SPOCK3: variants seen among roughly 807,000 people sequenced by gnomAD.
SPOCK3 encodes the protein SPARC (osteonectin), cwcv and kazal like domains proteoglycan 3.
A neutral mutation model predicts 56.6 loss-of-function variants in SPOCK3; 30 were observed. That is an observed-to-expected ratio of 0.53 (90% CI 0.40 to 0.72). The LOEUF is 0.72. Ranked by LOEUF, SPOCK3 falls within the 30% of genes least tolerant of loss-of-function variation. The pLI is 0.00. For synonymous variants in SPOCK3, 196 were observed against 183.3 expected (o/e 1.07, Z -0.56); for missense variants, 527 against 530.0 (o/e 0.99, Z 0.06).
intron 2 of SPOCK3, among the ~76,000 whole-genome samples, chr4:167,169,774 CCTT>C (rs1055427745): frequency 3.3e-5 from 5 of 152,042 alleles, no homozygotes; most frequent in African/African-American, 1.2e-4. Context: ...CCAAATCTAA[CCTT>C]GAATTGTAAT....
chr4:167,152,372 C>T (rs1764499838), intron 2 of SPOCK3, among the ~76,000 whole-genome samples: 1 of 152,110 alleles, frequency 6.6e-6, no homozygotes, highest in African/African-American at 2.4e-5. Flanking sequence ...AGGATAGAAA[C>T]ATTTTAGGAG....
At chr4:167,215,360 C>G (rs1735256296) in intron 2 of SPOCK3, among the ~76,000 whole-genome samples, 1 of 152,044 alleles carries the variant, frequency 6.6e-6, no homozygotes, top group South Asian at 2.1e-4. Flanking sequence ...AAACACGGCT[C>G]TTTCCACTGC....
At chr4:167,112,138 G>A (rs1160480028) in intron 2 of SPOCK3, among the ~76,000 whole-genome samples, 1 of 152,050 alleles carries the variant, frequency 6.6e-6, no homozygotes, top group African/African-American at 2.4e-5. Flanking sequence ...CTATATATAT[G>A]CTTTATCACT....
chr4:166,889,035 C>A, intron 6 of SPOCK3, 95 bp downstream of exon 6: 4 of 767,762 alleles, frequency 5.2e-6, no homozygotes, highest in South Asian at 1.6e-5. Context: ...TGTATAAAAA[C>A]AAACTTCATT....
intron 4 of SPOCK3, among the ~76,000 whole-genome samples, chr4:166,983,613 C>A (rs2150097655): frequency 6.6e-6 from 1 of 152,000 alleles, no homozygotes; most frequent in South Asian, 2.1e-4. Flanking sequence ...TTTTCAATAG[C>A]TAGAAGAGAG....
rs1204577111 is a variant in SPOCK3, at chr4:167,205,324, A to T, written c.189+28661T>A. ...AATATATATTATATATTTTATATATATAATATATATTATATATTATATATA... is the reference window on the plus strand; with the variant it reads ...AATATATATTATATATTTTATATATTTAATATATATTATATATTATATATA... On this transcript the variant is annotated intron_variant, in intron 2 of 10. Transcript: ENST00000357545. Among the ~76,000 whole-genome samples the T allele has an allele frequency of 4.3e-3, 214 of 49,726 alleles. 2 individuals are homozygous for T. Among genetic ancestry groups the T allele is most frequent in the African/African-American group, 5.3e-3 (62 of 11,622 alleles). 32.6% of individuals were successfully genotyped at this position (49,726 alleles called of 152,430 possible).
At position 166,889,149 on chromosome 4, in the gene SPOCK3, T is replaced by G; in HGVS notation, c.570A>C (p.Thr190=). The part of the protein sequence containing the change: ...CPCPSDKPTS[T]SRNVKRACSD... Reference sequence around the variant, plus strand: ...ACTTACCTCTCTTAACATTTCTGCTTGTACTGGTGGGCTTATCTGAAGGAC... The same window carrying G: ...ACTTACCTCTCTTAACATTTCTGCTGGTACTGGTGGGCTTATCTGAAGGAC... The change falls in exon 6 of 11, where the codon ACA becomes ACC. Residue 190 remains threonine (T), a synonymous_variant. Coordinates refer to ENST00000357545, the MANE Select transcript of SPOCK3 (RefSeq NM_001040159.2). 3 of 1,607,662 alleles carry G rather than the reference T, an allele frequency of 1.9e-6. No homozygotes were observed. Among genetic ancestry groups the G allele is most frequent in the Non-Finnish European group, 1.7e-6 (2 of 1,174,772 alleles).
At chr4:166,965,688 A>G (rs1356291766) in intron 4 of SPOCK3, among the ~76,000 whole-genome samples, 1 of 151,926 alleles carries the variant, frequency 6.6e-6, no homozygotes, top group Non-Finnish European at 1.5e-5. Context: ...CTCTGGGTTT[A>G]TTTTTTAAAG....
At chr4:166,752,767 C>T (rs1736590253) in intron 8 of SPOCK3, among the ~76,000 whole-genome samples, 2 of 151,884 alleles carry the variant, frequency 1.3e-5, no homozygotes, top group South Asian at 4.1e-4. Context: ...TGTATCGTAT[C>T]ACTAGCATGC....
chr4:166,999,083 T>C (rs1748690309), intron 4 of SPOCK3, among the ~76,000 whole-genome samples: 1 of 152,174 alleles, frequency 6.6e-6, no homozygotes, highest in African/African-American at 2.4e-5. Flanking sequence ...TTTCCCCTAG[T>C]AGGCTAACTT....
In SPOCK3 at chr4:166,829,769, G is replaced by A. The variant is rs146101750; in HGVS notation, c.590-37480C>T. Among the ~76,000 whole-genome samples the A allele has an allele frequency of 1.8e-4, 27 of 152,044 alleles. 1 individual carries two copies. In the East Asian group the frequency reaches 3.7e-3, roughly 21 times the overall value. On this transcript the variant is annotated intron_variant, in intron 6 of 10. Transcript: ENST00000357545. The stretch of plus-strand genomic sequence containing the variant: ...AATATTGTGTAGCTTATCATAACAC[G>A]TGGGCAAGATTTTTTCCCACTTACT...
At chr4:167,088,343 C>A (rs947331562) in intron 2 of SPOCK3, among the ~76,000 whole-genome samples, 1 of 152,060 alleles carries the variant, frequency 6.6e-6, no homozygotes, top group African/African-American at 2.4e-5. Context: ...AGAATCACTG[C>A]ATTAGGGTTT....
At chr4:166,742,604 A>AT (rs1345735767) in intron 8 of SPOCK3, among the ~76,000 whole-genome samples, 1 of 152,138 alleles carries the variant, frequency 6.6e-6, no homozygotes, top group Admixed American at 6.6e-5. Flanking sequence ...TAAAGACCTT[A>AT]TTATAAATTT....
rs932014815 is a variant in SPOCK3 at position 167,190,024 on chromosome 4, G to A, written c.189+43961C>T. 3.4e-5 allele frequency among the ~76,000 whole-genome samples: 5 copies of A among 145,330 alleles called. 1 individual carries two copies. The highest frequency in any genetic ancestry group is 4.1e-4 in the East Asian group (2 of 4,836). Reference sequence around the variant, plus strand: ...TATATATCACTTTTTATTAATTCACGAAGGACACTTAGATTGTTTTCATAT... The same window carrying A: ...TATATATCACTTTTTATTAATTCACAAAGGACACTTAGATTGTTTTCATAT... On this transcript the variant is annotated intron_variant, in intron 2 of 10. Transcript: ENST00000357545.
chr4:166,894,461 A>C (rs988310338), intron 5 of SPOCK3, among the ~76,000 whole-genome samples: 1 of 152,128 alleles, frequency 6.6e-6, no homozygotes, highest in Non-Finnish European at 1.5e-5. Flanking sequence ...TTCTTAATTC[A>C]AGCAGTCTCT....
At chr4:166,924,213 C>CA (rs1554002482) in intron 4 of SPOCK3, among the ~76,000 whole-genome samples, 2 of 152,100 alleles carry the variant, frequency 1.3e-5, no homozygotes, top group Non-Finnish European at 2.9e-5. Context: ...AGGAACATCA[C>CA]AAAATATTTA....
chr4:166,992,376 T>C (rs1035386374), intron 4 of SPOCK3, among the ~76,000 whole-genome samples: 8 of 152,214 alleles, frequency 5.3e-5, no homozygotes, highest in Non-Finnish European at 1.0e-4. Context: ...TAATATTTTC[T>C]ACCCTTTTCT....
At chr4:166,951,737 A>G (rs937977992) in intron 4 of SPOCK3, among the ~76,000 whole-genome samples, 2 of 143,518 alleles carry the variant, frequency 1.4e-5, no homozygotes, top group African/African-American at 5.7e-5. Context: ...ATCCACCATG[A>G]TCAAGTGGGC....
chr4:166,852,263 A>G (rs957665582), intron 6 of SPOCK3, among the ~76,000 whole-genome samples: 2 of 152,080 alleles, frequency 1.3e-5, no homozygotes, highest in Non-Finnish European at 2.9e-5. Context: ...TAACCTGCAC[A>G]TTGTGCACAT....
Sources: allele counts gnomAD v4.1 joint callset (sites outside exome capture counted in the v4.1 genomes callset), GRCh38; gene constraint gnomAD v4.1.1; transcripts MANE v1.5; gene names NCBI Gene and HGNC (gene_info 2026-07-23, HGNC 2026-07-21).